RPL28: variants seen among roughly 807,000 people sequenced by gnomAD.
RPL28 encodes ribosomal protein L28, also known as large ribosomal subunit protein eL28.
Under a neutral mutation model 12.5 loss-of-function variants are expected in RPL28, and 4 were observed. The ratio of observed to expected loss-of-function variants is 0.32; its 90% confidence interval spans 0.16 to 0.73. The LOEUF is 0.73. Ranked by LOEUF, RPL28 falls within the 30% of genes least tolerant of loss-of-function variation. The pLI, the probability that RPL28 is intolerant of heterozygous loss-of-function variation, is 0.66. For synonymous variants in RPL28, 91 were observed against 72.5 expected, an observed-to-expected ratio of 1.26 and a Z score of -1.30; for missense variants, 214 against 197.7, an observed-to-expected ratio of 1.08 and a Z score of -0.49.
chr19:55,399,776 C>T (rs13343706), intron 4 of RPL28: 8 of 152,180 alleles, frequency 5.3e-5, no homozygotes, highest in African/African-American at 1.7e-4. Flanking sequence ...TTATGCACTT[C>T]GCTAAATTAT....
downstream of RPL28, among the ~76,000 whole-genome samples, chr19:55,396,005 C>T (rs1011530047): frequency 1.7e-4 from 26 of 152,130 alleles, no homozygotes; most frequent in South Asian, 6.2e-4. Flanking sequence ...TGTCTGAGCG[C>T]GGTGGCACAT....
chr19:55,399,467 T>A (rs926845861), intron 4 of RPL28, among the ~76,000 whole-genome samples: 1 of 152,142 alleles, frequency 6.6e-6, no homozygotes, highest in Admixed American at 6.5e-5. Flanking sequence ...CCACCCAACC[T>A]TGTTTAGTGT....
At position 55,387,562 on chromosome 19, in the gene RPL28, T is replaced by G. The variant is rs1340182602; in HGVS notation, c.206-368T>G. On this transcript the variant is annotated intron_variant, in intron 3 of 4. Coordinates refer to ENST00000344063, the MANE Select transcript of RPL28 (RefSeq NM_000991.5). Reference sequence around the variant, plus strand: ...CTCAGCCAAGCTGATGTTGAACCACTGCTGTGGGGATGGGCCTGGGGTTCC... The same window carrying G: ...CTCAGCCAAGCTGATGTTGAACCACGGCTGTGGGGATGGGCCTGGGGTTCC... The G allele has an allele frequency of 2.1e-6, 3 of 1,426,846 alleles. No individual in the cohort carries two copies. The East Asian group carries it at 7.6e-5, about 36-fold the overall frequency. The allele number at this position is 1,426,846 out of a possible 1,614,324, so 88.4% of individuals were successfully genotyped here.
Position 55,388,235 on chromosome 19 carries a change from G to C in RPL28, c.325-8G>C. The C allele has an allele frequency of 4.6e-6, 7 of 1,529,296 alleles. No individual in the cohort carries two copies. The highest frequency in any genetic ancestry group is 2.4e-5 in the East Asian group (1 of 40,836). 94.7% of individuals were successfully genotyped at this position (1,529,296 alleles called of 1,614,324 possible). ...GGGCTGAGCCTTGCTCTGCTCCCCC[G>C]CCCCCAGGCAGCCATCCGCAGGGCC... On this transcript the variant is annotated splice_polypyrimidine_tract_variant and splice_region_variant and intron_variant, in intron 4 of 4. Transcript: ENST00000344063.
rs756222723 is a variant in RPL28, at chr19:55,387,974, A to G, written c.250A>G (p.Lys84Glu). The change falls in exon 4 of 5, where the codon AAG becomes GAG. Residue 84 changes from lysine (K) to glutamate (E), a missense_variant. Coordinates refer to ENST00000344063, the MANE Select transcript of RPL28 (RefSeq NM_000991.5). ...CTCCTATGTGCGGACCACCATCAAC[A>G]AGAATGCTCGCGCCACGCTCAGCAG... The part of the protein sequence containing the change: ...ATSYVRTTIN[K>E]NARATLSSIR... The G allele has an allele frequency of 1.2e-6, 2 of 1,607,452 alleles. No individual in the cohort carries two copies. Among genetic ancestry groups the G allele is most frequent in the African/African-American group, 1.3e-5 (1 of 74,878 alleles).
chr19:55,399,162 T>C (rs953706105), intron 4 of RPL28, among the ~76,000 whole-genome samples: 1 of 122,328 alleles, frequency 8.2e-6, no homozygotes, highest in Non-Finnish European at 1.6e-5. Context: ...AATTTTTTTC[T>C]TTTCTTTTCT....
At chr19:55,397,505 G>T (rs1385971196) in intron 4 of RPL28, among the ~76,000 whole-genome samples, 1 of 152,050 alleles carries the variant, frequency 6.6e-6, no homozygotes, top group African/African-American at 2.4e-5. Flanking sequence ...TCAGCCTCCT[G>T]AGTAGCTGGG....
intron 4 of RPL28, chr19:55,402,853 T>TC (rs377028965): frequency 9.2e-7 from 1 of 1,091,882 alleles, no homozygotes; most frequent in East Asian, 2.6e-5. Flanking sequence ...ATCCTCTCCC[T>TC]CCCCATGGCA....
intron 3 of RPL28, chr19:55,387,468 CT>C (rs1904448023): frequency 2.0e-6 from 3 of 1,479,222 alleles, no homozygotes; most frequent in Non-Finnish European, 2.7e-6. Context: ...AAGCTTTCAC[CT>C]CTTGGATTGC....
downstream of RPL28, among the ~76,000 whole-genome samples, chr19:55,393,594 T>C (rs1205356414): frequency 6.6e-6 from 1 of 150,934 alleles, no homozygotes; most frequent in Non-Finnish European, 1.5e-5. Flanking sequence ...CTCCCACTCA[T>C]GTCCCCTCTA....
intron 3 of RPL28, chr19:55,387,056 G>A: frequency 2.1e-6 from 3 of 1,435,328 alleles, no homozygotes; most frequent in Non-Finnish European, 2.7e-6. Flanking sequence ...CAGGGGAGGG[G>A]CCCTCGCTAC....
intron 4 of RPL28, chr19:55,399,606 A>C (rs959458471): frequency 4.9e-4 from 75 of 152,236 alleles, no homozygotes; most frequent in African/African-American, 1.7e-3. Flanking sequence ...CCAACTGTCT[A>C]ATTCGGTCTT....
At chr19:55,388,075 T>G (rs545272228) in intron 4 of RPL28, 27 bp downstream of exon 4, 1 of 1,613,008 alleles carries the variant, frequency 6.2e-7, no homozygotes, top group South Asian at 1.1e-5. Flanking sequence ...GGATCAGGCT[T>G]GGGGAGACTG....
At chr19:55,395,694 T>G (rs373059569), downstream of RPL28, among the ~76,000 whole-genome samples, 5 of 151,380 alleles carry the variant, frequency 3.3e-5, no homozygotes, top group African/African-American at 9.7e-5. Context: ...CTGCCCACCT[T>G]GGCCTCCCAA....
chr19:55,390,360 A>C lies in RPL28; in HGVS notation c.*2028A>C. The C allele has an allele frequency of 1.3e-6, 1 of 755,810 alleles. No individual in the cohort carries two copies. Among genetic ancestry groups the C allele is most frequent in the South Asian group, 6.0e-5 (1 of 16,622 alleles). The allele number at this position is 755,810 out of a possible 1,614,324, so 46.8% of individuals were successfully genotyped here. A position where few individuals can be genotyped will look rare whatever the true frequency, so the allele number is the denominator to read the frequency against. ...GCTGGGATTACAGGTGGGTGTCACC[A>C]CACCCAGCTCAGTATTGTATTTTTA... On this transcript the variant is annotated 3_prime_UTR_variant, in exon 5 of 5. Coordinates refer to ENST00000344063, the MANE Select transcript of RPL28 (RefSeq NM_000991.5).
Position 55,390,935 on chromosome 19 carries a change from C to T in RPL28, c.*2603C>T. On this transcript the variant is annotated 3_prime_UTR_variant, in exon 5 of 5. Coordinates refer to ENST00000344063, the MANE Select transcript of RPL28 (RefSeq NM_000991.5). ...CTATTCCAGCTTTATTCACACAAAT[C>T]ATGTCTGTTGGCCTGGAAATTGGAA... The T allele has an allele frequency of 2.0e-6, 2 of 985,440 alleles. No homozygotes were observed. Among genetic ancestry groups the T allele is most frequent in the South Asian group, 4.7e-5 (1 of 21,290 alleles). 61.0% of individuals were successfully genotyped at this position (985,440 alleles called of 1,614,324 possible). A position where few individuals can be genotyped will look rare whatever the true frequency, so the allele number is the denominator to read the frequency against.
In RPL28 at chr19:55,388,772, A is replaced by T; in HGVS notation, c.*440A>T. The T allele has an allele frequency of 1.0e-6, 1 of 1,000,128 alleles. No homozygotes were observed. Among genetic ancestry groups the T allele is most frequent in the Non-Finnish European group, 1.2e-6 (1 of 840,178 alleles). 62.0% of individuals were successfully genotyped at this position (1,000,128 alleles called of 1,614,324 possible). A position where few individuals can be genotyped will look rare whatever the true frequency, so the allele number is the denominator to read the frequency against. The stretch of plus-strand genomic sequence containing the variant: ...TCCCAAGACCTGGGGGACGACAGAC[A>T]TCACGGGAGGAAGATGAGATGACTT... On this transcript the variant is annotated 3_prime_UTR_variant, in exon 5 of 5. Coordinates refer to ENST00000344063, the MANE Select transcript of RPL28 (RefSeq NM_000991.5).
At chr19:55,395,879 A>G (rs189576596), downstream of RPL28, among the ~76,000 whole-genome samples, 191 of 152,320 alleles carry the variant, frequency 1.3e-3, no homozygotes, top group African/African-American at 3.9e-3. Flanking sequence ...GAGAAATTCT[A>G]TGCAAATGCA....
chr19:55,398,386 A>G (rs1170370409), intron 4 of RPL28, among the ~76,000 whole-genome samples: 1 of 152,222 alleles, frequency 6.6e-6, no homozygotes, highest in Non-Finnish European at 1.5e-5. Context: ...TGACTTGACT[A>G]CAAAGTTTCA....
Sources: gnomAD v4.1 joint callset for allele counts (sites outside exome capture counted in the v4.1 genomes callset) on GRCh38, gnomAD v4.1.1 for gene constraint, MANE v1.5 for transcripts, NCBI Gene and HGNC (gene_info 2026-07-23, HGNC 2026-07-21) for gene names.